The following EIF2S3 variants were observed in gnomAD, a reference collection of about 807,000 sequenced individuals.
EIF2S3 encodes the protein eukaryotic translation initiation factor 2 subunit 3.
EIF2S3 carries 2 observed loss-of-function variants against 31.7 expected under a neutral mutation model. The observed-to-expected ratio is 0.06, with a 90% CI of 0.03 to 0.20. The LOEUF (loss-of-function observed/expected upper bound fraction) is 0.20. Ranked by LOEUF, EIF2S3 falls within the 10% of genes least tolerant of loss-of-function variation. The probability of loss-of-function intolerance (pLI) is 1.00; values close to 1 mark genes in which losing one functional copy is unlikely to be tolerated. For synonymous variants in EIF2S3, 120 were observed against 126.7 expected (o/e 0.95, Z 0.36); for missense variants, 96 against 359.3 (o/e 0.27, Z 5.92).
intron 5 of EIF2S3, chrX:24,060,394 C>G (rs963173100): frequency 3.2e-5 from 13 of 400,977 alleles, no homozygotes; most frequent in Non-Finnish European, 5.2e-5. Context: ...TGCGAGAATT[C>G]TTGTGGTAGC....
In EIF2S3 at chrX:24,060,190, C is replaced by T. The variant is rs1480679879; in HGVS notation, c.478+8C>T. 3 of 1,183,574 alleles carry T rather than the reference C, an allele frequency of 2.5e-6. No individual in the cohort carries two copies. The highest frequency in any genetic ancestry group is 3.0e-5 in the East Asian group (1 of 33,686). On this transcript the variant is annotated splice_region_variant and intron_variant, in intron 5 of 11. Transcript: ENST00000253039. ...CAGCTCTTCTGTTGATAGGTAAATA[C>T]CTCACAATTGGTTTGGACAAATCAA...
chrX:24,057,055 G>C (rs193123427), intron 2 of EIF2S3, among the ~76,000 whole-genome samples: 7 of 105,073 alleles, frequency 6.7e-5, no homozygotes, highest in African/African-American at 2.3e-4. Flanking sequence ...TATTTGCGAC[G>C]GAGTCTCGCT....
chrX:24,072,688 T>A lies in EIF2S3; in HGVS notation c.1183-403T>A, dbSNP rs375350841. ...GAAAATAAGCTATCATGCTTTTTTT[T>A]CCCCCCACTCAGGTGATCTGCCTTC... On this transcript the variant is annotated intron_variant, in intron 10 of 11. Transcript: ENST00000253039. 2.1e-4 allele frequency among the ~76,000 whole-genome samples: 23 copies of A among 110,810 alleles called. No homozygotes were observed. The East Asian group carries it at 4.0e-3, about 19-fold the overall frequency.
chrX:24,059,392 GTTAGAGGTA>G (rs1404398480), intron 4 of EIF2S3, among the ~76,000 whole-genome samples: 1 of 109,777 alleles, frequency 9.1e-6, no homozygotes, highest in Admixed American at 9.8e-5. Flanking sequence ...TTTTCAAGGT[GTTAGAGGTA>G]TTTTTGGAAA....
At chrX:24,058,536 C>CTTTTTTTTTTTTTTTT (rs1183377998) in intron 4 of EIF2S3, among the ~76,000 whole-genome samples, 2 of 83,077 alleles carry the variant, frequency 2.4e-5, no homozygotes, top group Non-Finnish European at 4.4e-5. Flanking sequence ...TTTTTTCTTT[C>CTTTTTTTTTTTTTTTT]TTTTTTTTTT....
At chrX:24,072,703 G>A in intron 10 of EIF2S3, among the ~76,000 whole-genome samples, 1 of 111,236 alleles carries the variant, frequency 9.0e-6, no homozygotes. Flanking sequence ...CCACTCAGGT[G>A]ATCTGCCTTC....
chrX:24,058,856 T>C (rs1026257257), intron 4 of EIF2S3, among the ~76,000 whole-genome samples: 2 of 111,350 alleles, frequency 1.8e-5, no homozygotes, highest in Non-Finnish European at 3.8e-5. Flanking sequence ...CCCAAAGTGC[T>C]GGGATTACAG....
At chrX:24,071,442 G>C (rs767029344) in intron 9 of EIF2S3, 116 bp from the exon 10 acceptor site, 12 of 759,024 alleles carry the variant, frequency 1.6e-5, no homozygotes, top group Non-Finnish European at 2.1e-5. Flanking sequence ...CACCTGCCTC[G>C]GCCTCCCAAA....
intron 2 of EIF2S3, among the ~76,000 whole-genome samples, chrX:24,056,324 G>T (rs57901728): frequency 0.012 from 1,345 of 111,642 alleles, 22 homozygotes; most frequent in African/African-American, 0.042. Flanking sequence ...TTGAACTACT[G>T]CCCCTGCATT....
In EIF2S3 at chrX:24,060,191, C is replaced by T; in HGVS notation, c.478+9C>T. On this transcript the variant is annotated intron_variant, in intron 5 of 11. Transcript: ENST00000253039. Reference sequence around the variant, plus strand: ...AGCTCTTCTGTTGATAGGTAAATACCTCACAATTGGTTTGGACAAATCAAT... The same window carrying T: ...AGCTCTTCTGTTGATAGGTAAATACTTCACAATTGGTTTGGACAAATCAAT... 8.4e-7 allele frequency: 1 copy of T among 1,185,501 alleles called. No individual in the cohort carries two copies. The highest frequency in any genetic ancestry group is 1.1e-6 in the Non-Finnish European group (1 of 871,637).
At chrX:24,058,656 C>T (rs764773055) in intron 4 of EIF2S3, among the ~76,000 whole-genome samples, 1 of 107,912 alleles carries the variant, frequency 9.3e-6, no homozygotes, top group South Asian at 4.0e-4. Flanking sequence ...CTCAGCCTCC[C>T]GAGTAGCTGG....
intron 4 of EIF2S3, among the ~76,000 whole-genome samples, chrX:24,058,885 G>A (rs745896152): frequency 1.8e-5 from 2 of 109,603 alleles, no homozygotes; most frequent in South Asian, 3.9e-4. Context: ...CACTGTGCCC[G>A]GCCTAGTTTT....
chrX:24,059,034 G>A (rs768483464), intron 4 of EIF2S3, among the ~76,000 whole-genome samples: 1 of 112,082 alleles, frequency 8.9e-6, no homozygotes, highest in Non-Finnish European at 1.9e-5. Context: ...CATTTTCCTT[G>A]ATTACTGAGT....
chrX:24,073,688 G>A (rs1324915634), intron 11 of EIF2S3, among the ~76,000 whole-genome samples: 1 of 112,056 alleles, frequency 8.9e-6, no homozygotes, highest in Non-Finnish European at 1.9e-5. Context: ...GCGAGACTCC[G>A]TCTCAGAAAA....
chrX:24,067,891 G>C, intron 8 of EIF2S3, 73 bp from the exon 9 acceptor site: 1 of 1,094,159 alleles, frequency 9.1e-7, no homozygotes, highest in Non-Finnish European at 1.2e-6. Flanking sequence ...CCCAGTCCCT[G>C]TTGGAACTTT....
intron 2 of EIF2S3, among the ~76,000 whole-genome samples, chrX:24,057,063 G>A (rs770043549): frequency 8.9e-6 from 1 of 111,992 alleles, no homozygotes; most frequent in African/African-American, 3.2e-5. Flanking sequence ...ACGGAGTCTC[G>A]CTCTGTTGCC....
rs769865562 is a variant in EIF2S3 at position 24,071,203 on chromosome X, T to TG, written c.1013-355_1013-354insG. ...TGGGGTATCTAATTCACTTTTTTTT[T>TG]TTTTGGAGACAGAGTCTCACTCTGT... On this transcript the variant is annotated intron_variant, in intron 9 of 11. Coordinates refer to ENST00000253039, the MANE Select transcript of EIF2S3 (RefSeq NM_001415.4). 2.5e-3 allele frequency among the ~76,000 whole-genome samples: 277 copies of TG among 109,380 alleles called. 1 individual carries two copies. The highest frequency in any genetic ancestry group is 9.0e-3 in the African/African-American group (268 of 29,828). 95.0% of individuals were successfully genotyped at this position (109,380 alleles called of 115,157 possible). A position where few individuals can be genotyped will look rare whatever the true frequency, so the allele number is the denominator to read the frequency against.
rs191407514 is a variant in EIF2S3, at chrX:24,057,987, C to A, written c.383+233C>A. Among the ~76,000 whole-genome samples the A allele has an allele frequency of 9.5e-3, 1,068 of 112,213 alleles. 11 individuals carry two copies. The highest frequency in any genetic ancestry group is 0.033 in the African/African-American group (1,009 of 30,944). On this transcript the variant is annotated intron_variant, in intron 4 of 11. Transcript: ENST00000253039. ...GTATCACTTAAACAAAACAGAAAAA[C>A]AACTCATTGGATTGAAGGGATTCTT...
chrX:24,069,490 CTTGAGACCAGGAGT>C (rs1930630399), intron 9 of EIF2S3, among the ~76,000 whole-genome samples: 2 of 108,529 alleles, frequency 1.8e-5, no homozygotes, highest in East Asian at 2.9e-4. Flanking sequence ...GGGAAGATTG[CTTGAGACCAGGAGT>C]TTGAGACCAG....
Sources: allele counts gnomAD v4.1 joint callset (sites outside exome capture counted in the v4.1 genomes callset), GRCh38; gene constraint gnomAD v4.1.1; transcripts MANE v1.5; gene names NCBI Gene and HGNC (gene_info 2026-07-23, HGNC 2026-07-21).